Variants in SH3KBP1 observed in about 807,000 individuals in gnomAD.
The protein encoded by SH3KBP1 is SH3 domain-containing kinase-binding protein 1.
SH3KBP1 carries 8 observed loss-of-function variants against 50.1 expected under a neutral mutation model. The observed-to-expected ratio is 0.16, with a 90% CI of 0.09 to 0.29. The LOEUF (loss-of-function observed/expected upper bound fraction) is 0.29. SH3KBP1 is among the 10% of genes least tolerant of loss of function. The pLI is 1.00. For synonymous variants in SH3KBP1, 227 were observed against 218.6 expected (o/e 1.04, Z -0.34); for missense variants, 377 against 535.2 (o/e 0.70, Z 2.92).
At chrX:19,739,232 CTTATG>C (rs1324270401) in intron 3 of SH3KBP1, among the ~76,000 whole-genome samples, 1 of 111,231 alleles carries the variant, frequency 9.0e-6, no homozygotes, top group African/African-American at 3.3e-5. Context: ...ATCAAAAATA[CTTATG>C]CTCAGTGACA....
rs1220099020 is a variant in SH3KBP1 at position 19,588,634 on chromosome X, C to A, written c.1298+9G>T. On this transcript the variant is annotated intron_variant, in intron 12 of 17. Transcript: ENST00000397821. ...CACACCCGCCCCGGAGGTGAGAGCA[C>A]AGCAGTACCTGGTGTGTGTCAGCGG... 2 of 1,208,485 alleles carry A rather than the reference C, an allele frequency of 1.7e-6. No homozygotes were observed. Among genetic ancestry groups the A allele is most frequent in the Non-Finnish European group, 2.2e-6 (2 of 894,108 alleles).
chrX:19,665,149 G>A (rs1035834167), intron 6 of SH3KBP1, among the ~76,000 whole-genome samples: 1 of 112,247 alleles, frequency 8.9e-6, no homozygotes, highest in African/African-American at 3.2e-5. Context: ...CTGAGCAGAC[G>A]TTACCAAAAC....
chrX:19,718,301 T>A (rs6633298), intron 3 of SH3KBP1, among the ~76,000 whole-genome samples: 26,203 of 110,396 alleles, frequency 0.24, 3,180 homozygotes, highest in African/African-American at 0.47. Flanking sequence ...TTCAACTAAT[T>A]TATGAAGGTC....
chrX:19,762,937 T>C (rs899229951), intron 2 of SH3KBP1, among the ~76,000 whole-genome samples: 13 of 112,225 alleles, frequency 1.2e-4, no homozygotes, highest in Non-Finnish European at 3.8e-5. Context: ...GATATACCTT[T>C]TATATATACC....
At chrX:19,583,125 C>CATTATTATTATTATTATT (rs200762944) in intron 12 of SH3KBP1, among the ~76,000 whole-genome samples, 1 of 95,163 alleles carries the variant, frequency 1.1e-5, no homozygotes, top group Non-Finnish European at 2.1e-5. Context: ...TGCTAATACA[C>CATTATTATTATTATTATT]ATTATTATTA....
chrX:19,776,122 A>G (rs961625339), intron 2 of SH3KBP1, among the ~76,000 whole-genome samples: 3 of 111,734 alleles, frequency 2.7e-5, no homozygotes, highest in African/African-American at 9.8e-5. Flanking sequence ...GCTAGCTTAC[A>G]GGAAAGAAAG....
intron 2 of SH3KBP1, among the ~76,000 whole-genome samples, chrX:19,824,330 T>C (rs1033571645): frequency 2.7e-5 from 3 of 112,312 alleles, no homozygotes; most frequent in African/African-American, 9.7e-5. Context: ...TACCAATTCA[T>C]GTTCTTGAGA....
chrX:19,596,188 G>GT (rs1233197080), intron 9 of SH3KBP1, among the ~76,000 whole-genome samples: 2 of 111,746 alleles, frequency 1.8e-5, no homozygotes, highest in Non-Finnish European at 3.8e-5. Flanking sequence ...CGGAATCAGA[G>GT]TACAGGCATA....
intron 5 of SH3KBP1, among the ~76,000 whole-genome samples, chrX:19,689,735 A>C (rs1487089281): frequency 8.9e-6 from 1 of 112,261 alleles, no homozygotes. Flanking sequence ...AAACACTATA[A>C]AAGGGAAGAG....
intron 3 of SH3KBP1, among the ~76,000 whole-genome samples, chrX:19,734,629 T>C (rs1313740882): frequency 8.9e-6 from 1 of 111,997 alleles, no homozygotes; most frequent in Non-Finnish European, 1.9e-5. Context: ...AGCAGTGTAA[T>C]TTTAGAACAT....
intron 5 of SH3KBP1, chrX:19,687,721 G>C: frequency 9.0e-7 from 1 of 1,106,603 alleles, no homozygotes. Context: ...GAGAAGGGGA[G>C]AGAAAAACAA....
At chrX:19,659,313 C>T (rs778418358) in intron 6 of SH3KBP1, among the ~76,000 whole-genome samples, 25 of 110,057 alleles carry the variant, frequency 2.3e-4, no homozygotes, top group African/African-American at 8.3e-4. Flanking sequence ...CAGGGTTTCA[C>T]CGTGTTGGTC....
At chrX:19,683,310 C>A in intron 6 of SH3KBP1, 1 of 369,245 alleles carries the variant, frequency 2.7e-6, no homozygotes, top group Non-Finnish European at 5.3e-6. Context: ...CAGCACAGGC[C>A]ATCTCCATCA....
chrX:19,607,430 C>A (rs1310945955), intron 9 of SH3KBP1, among the ~76,000 whole-genome samples: 1 of 112,362 alleles, frequency 8.9e-6, no homozygotes, highest in African/African-American at 3.2e-5. Flanking sequence ...AAAAGAGAAA[C>A]CGTGGATGAG....
intron 12 of SH3KBP1, among the ~76,000 whole-genome samples, chrX:19,583,006 G>A (rs757359083): frequency 4.6e-4 from 50 of 109,517 alleles, no homozygotes; most frequent in African/African-American, 1.6e-3. Context: ...TAGAGCTAAG[G>A]GCAGCCTGCC....
chrX:19,562,729 T>C (rs1185210840), intron 13 of SH3KBP1, among the ~76,000 whole-genome samples: 1 of 110,765 alleles, frequency 9.0e-6, no homozygotes, highest in Middle Eastern at 4.2e-3. Flanking sequence ...GGTGAGCATT[T>C]GGGGCTGCCT....
At chrX:19,821,473 A>G (rs7066071) in intron 2 of SH3KBP1, among the ~76,000 whole-genome samples, 23,275 of 110,448 alleles carry the variant, frequency 0.21, 2,604 homozygotes, top group African/African-American at 0.43. Flanking sequence ...CCCATTTGCT[A>G]TTTTCTCCTT....
At chrX:19,841,747 C>T (rs1246676488) in intron 1 of SH3KBP1, among the ~76,000 whole-genome samples, 1 of 108,868 alleles carries the variant, frequency 9.2e-6, no homozygotes, top group East Asian at 2.8e-4. Flanking sequence ...CTAGAAGGTT[C>T]CATGACTTAG....
intron 12 of SH3KBP1, among the ~76,000 whole-genome samples, chrX:19,573,525 G>A (rs1300239933): frequency 8.9e-6 from 1 of 111,898 alleles, no homozygotes; most frequent in Admixed American, 9.5e-5. Context: ...GACCGCAAGT[G>A]ATCTGGCCAC....
Sources: allele counts gnomAD v4.1 joint callset (sites outside exome capture counted in the v4.1 genomes callset), GRCh38; gene constraint gnomAD v4.1.1; transcripts MANE v1.5; gene names NCBI Gene and HGNC (gene_info 2026-07-23, HGNC 2026-07-21).